The following DUSP8 variants were observed in gnomAD, a reference collection of about 807,000 sequenced individuals.
The protein encoded by DUSP8 is dual specificity phosphatase 8, also known as dual specificity protein phosphatase 8.
DUSP8 carries 15 observed loss-of-function variants against 38.7 expected under a neutral mutation model. That is an observed-to-expected ratio of 0.39 (90% CI 0.26 to 0.60). DUSP8 has a LOEUF of 0.60. Among genes scored for constraint, DUSP8 ranks in the 20% least tolerant of loss-of-function variants. The probability of loss-of-function intolerance (pLI) is 0.56; values close to 1 mark genes in which losing one functional copy is unlikely to be tolerated. For synonymous variants in DUSP8, 458 were observed against 433.9 expected (o/e 1.06, Z -0.69); for missense variants, 768 against 915.0 (o/e 0.84, Z 2.07).
chr11:1,558,934 G>A lies in DUSP8; in HGVS notation c.492C>T (p.Ile164=). The A allele has an allele frequency of 1.9e-6, 3 of 1,612,970 alleles. No homozygotes were observed. The highest frequency in any genetic ancestry group is 1.3e-5 in the African/African-American group (1 of 75,042). Residue 164 remains isoleucine (I), a synonymous_variant, in exon 4 of 7, where the codon ATC becomes ATT. Coordinates refer to ENST00000397374, the MANE Select transcript of DUSP8 (RefSeq NM_004420.3). The surrounding 1 kb of genome is among the most constrained non-coding windows in gnomAD (Gnocchi z 6.3). ...GCGAGCCCAGGTAGAGGTGAGGCAG[G>A]ATGCGGGTCAGGCCCACGCTGGGCA... ...LPVPSVGLTR[I]LPHLYLGSQK...
At chr11:1,571,614 C>CA (rs1554940125) in intron 1 of DUSP8, 2 of 148,084 alleles carry the variant, frequency 1.4e-5, no homozygotes, top group African/African-American at 5.0e-5. Context: ...GTCCCCCCCC[C>CA]ATTCCACACC....
In DUSP8 at chr11:1,556,799, C is replaced by G. The variant is rs1198710315; in HGVS notation, c.1597G>C (p.Gly533Arg). 8.5e-7 allele frequency: 1 copy of G among 1,174,466 alleles called. No individual in the cohort carries two copies. The highest frequency in any genetic ancestry group is 1.1e-6 in the Non-Finnish European group (1 of 951,336). 72.8% of individuals were successfully genotyped at this position (1,174,466 alleles called of 1,614,324 possible). A position where few individuals can be genotyped will look rare whatever the true frequency, so the allele number is the denominator to read the frequency against. The change falls in exon 7 of 7, where the codon GGG becomes CGG. Residue 533 changes from glycine to arginine, a missense_variant. Physicochemically the swap from Gly to Arg is moderately radical, Grantham distance 125 (BLOSUM62 -2). Around this residue, in one of 3 missense-constraint regions of DUSP8, gnomAD observed 474 missense variants for 430.8 expected, o/e 1.10. Transcript: ENST00000397374. This position sits in a 1 kb window ranked among gnomAD's most constrained non-coding sequence, Gnocchi z 5.2. Reference sequence around the variant, plus strand: ...GGCGCAAACAGCACCCCGCCCGCCCCCTGTGCGCCCTCGGGGCTGAAGCAC... The same window carrying G: ...GGCGCAAACAGCACCCCGCCCGCCCGCTGTGCGCCCTCGGGGCTGAAGCAC... ...PWCFSPEGAQ[G>R]AGGVLFAPFG... is the part of the protein sequence containing the mutation.
At chr11:1,571,211 G>C (rs1392294617) in intron 1 of DUSP8, 1 of 152,230 alleles carries the variant, frequency 6.6e-6, no homozygotes, top group Non-Finnish European at 1.5e-5. Flanking sequence ...TCCCAGGCTG[G>C]GCAGCTGGGC....
Position 1,565,793 on chromosome 11 carries a change from C to A in DUSP8, c.34G>T (p.Asp12Tyr). Residue 12 changes from aspartate (D) to tyrosine (Y), a missense_variant, in exon 2 of 7, where the codon GAT becomes TAT. By Grantham distance (160) the Asp-to-Tyr change is radical. Coordinates refer to ENST00000397374, the MANE Select transcript of DUSP8 (RefSeq NM_004420.3). ...AGCAGGCTGGCCAGCTTCTTGGCAT[C>A]CATCACCTTCCTCGGGAGCCGGTCC... ...AGDRLPRKVM[D>Y]AKKLASLLRG... is the part of the protein sequence containing the mutation. The A allele has an allele frequency of 6.2e-7, 1 of 1,609,520 alleles. No individual in the cohort carries two copies. Among genetic ancestry groups the A allele is most frequent in the Non-Finnish European group, 8.5e-7 (1 of 1,178,126 alleles).
intron 3 of DUSP8, among the ~76,000 whole-genome samples, chr11:1,561,185 AC>A (rs1454502631): frequency 6.6e-6 from 1 of 151,652 alleles, no homozygotes; most frequent in African/African-American, 2.4e-5. Flanking sequence ...CTGGGGAGGC[AC>A]CCCTACCCCC....
At chr11:1,562,613 G>A (rs1372334641) in intron 3 of DUSP8, among the ~76,000 whole-genome samples, 4 of 152,076 alleles carry the variant, frequency 2.6e-5, no homozygotes, top group Non-Finnish European at 5.9e-5. Context: ...ACACGTACAT[G>A]CACATATGCG....
chr11:1,562,705 A>G (rs538093193), intron 3 of DUSP8, among the ~76,000 whole-genome samples: 1 of 151,012 alleles, frequency 6.6e-6, no homozygotes, highest in Non-Finnish European at 1.5e-5. Flanking sequence ...ACACACACAT[A>G]CATGCACACA....
At chr11:1,559,213 G>A in intron 3 of DUSP8, 158 bp from the exon 4 acceptor site, 1 of 662,304 alleles carries the variant, frequency 1.5e-6, no homozygotes, top group South Asian at 2.5e-5. Flanking sequence ...CTCTGGCGGA[G>A]CACCTGCTCT....
rs371612944 is a variant in DUSP8, at chr11:1,559,073, T to C, written c.371-18A>G. The C allele has an allele frequency of 1.1e-5, 17 of 1,605,360 alleles. No homozygotes were observed. Among genetic ancestry groups the C allele is most frequent in the Admixed American group, 8.4e-5 (5 of 59,292 alleles). On this transcript the variant is annotated intron_variant, in intron 3 of 6. Transcript: ENST00000397374. ...GAAGCCCCCTGTAGGAGGAGGGCCG[T>C]CAAGTGGGTTGAGAGAACACCTAGG...
chr11:1,560,690 CCACT>C (rs1848705332), intron 3 of DUSP8, among the ~76,000 whole-genome samples: 1 of 152,206 alleles, frequency 6.6e-6, no homozygotes, highest in Admixed American at 6.5e-5. Flanking sequence ...TAGCTGGCTT[CCACT>C]CACTGTTCTG....
In DUSP8 at chr11:1,557,162, CG is replaced by C. The variant is rs1418426284; in HGVS notation, c.1233del (p.Asp415ThrfsTer60). On this transcript the variant is annotated frameshift_variant, in exon 7 of 7. Coordinates refer to ENST00000397374, the MANE Select transcript of DUSP8 (RefSeq NM_004420.3). LOFTEE classifies it high-confidence loss of function. This position sits in a 1 kb window ranked among gnomAD's most constrained non-coding sequence, Gnocchi z 9.9. ...AYAPSRRPDG[P>X]GPPDPGEAPK... ...GGGGCCTCGCCGGGGTCGGGGGGCC[CG>C]GGGCCGTCGGGCCGCCTGCTAGGGG... 6.9e-7 allele frequency: 1 copy of C among 1,442,430 alleles called. No individual in the cohort carries two copies. The highest frequency in any genetic ancestry group is 9.0e-7 in the Non-Finnish European group (1 of 1,105,526). The allele number at this position is 1,442,430 out of a possible 1,614,324, so 89.4% of individuals were successfully genotyped here. A position where few individuals can be genotyped will look rare whatever the true frequency, so the allele number is the denominator to read the frequency against.
chr11:1,569,203 C>T (rs1249008576), intron 1 of DUSP8, among the ~76,000 whole-genome samples: 2 of 152,136 alleles, frequency 1.3e-5, no homozygotes, highest in Non-Finnish European at 2.9e-5. Flanking sequence ...CCCCCTAGCA[C>T]AGCCCCATAC....
At position 1,558,821 on chromosome 11, in the gene DUSP8, G is replaced by A; in HGVS notation, c.537+68C>T. Reference sequence around the variant, plus strand: ...TTCCTCCCTCATCCCCCGCTCCGCTGCCAAGCTGCTTCTGGAGCTCCTGCC... The same window carrying A: ...TTCCTCCCTCATCCCCCGCTCCGCTACCAAGCTGCTTCTGGAGCTCCTGCC... On this transcript the variant is annotated intron_variant, in intron 4 of 6. Transcript: ENST00000397374. This position sits in a 1 kb window ranked among gnomAD's most constrained non-coding sequence, Gnocchi z 6.3. The A allele has an allele frequency of 2.0e-6, 3 of 1,524,790 alleles. No homozygotes were observed. Among genetic ancestry groups the A allele is most frequent in the South Asian group, 1.3e-5 (1 of 79,818 alleles). 94.5% of individuals were successfully genotyped at this position (1,524,790 alleles called of 1,614,324 possible). A position where few individuals can be genotyped will look rare whatever the true frequency, so the allele number is the denominator to read the frequency against.
At position 1,555,217 on chromosome 11, in the gene DUSP8, T is replaced by C. The variant is rs1395391348; in HGVS notation, c.*1301A>G. The C allele has an allele frequency of 3.0e-6, 3 of 987,390 alleles. No individual in the cohort carries two copies. The African/African-American group carries it at 5.2e-5, about 17-fold the overall frequency. The allele number at this position is 987,390 out of a possible 1,614,324, so 61.2% of individuals were successfully genotyped here. ...CCCACCTGGGCCCAAAAGCCACTTG[T>C]GTTTGGGGGCTGGCATGCCACCTAG... On this transcript the variant is annotated 3_prime_UTR_variant, in exon 7 of 7. Coordinates refer to ENST00000397374, the MANE Select transcript of DUSP8 (RefSeq NM_004420.3).
chr11:1,565,309 G>T (rs539120109), intron 2 of DUSP8, among the ~76,000 whole-genome samples: 1 of 152,342 alleles, frequency 6.6e-6, no homozygotes, highest in East Asian at 1.9e-4. Flanking sequence ...AGTCCTATCT[G>T]CGTGGGGAGG....
chr11:1,570,107 G>C (rs1029570739), intron 1 of DUSP8, among the ~76,000 whole-genome samples: 12 of 152,290 alleles, frequency 7.9e-5, no homozygotes, highest in Non-Finnish European at 1.3e-4. Flanking sequence ...GTGGGGCGGG[G>C]GGCTCCCTCC....
In DUSP8 at chr11:1,557,487, C is replaced by A; in HGVS notation, c.909G>T (p.Leu303=). ...TGCCCGGGTCGCCCTGCAGGGCGGC[C>A]AGCAGCTTCAGGCTGCGCTCGTACT... is the stretch of plus-strand genomic sequence containing the variant. The part of the protein sequence containing the change: ...LLEYERSLKL[L]AALQGDPGTP... Residue 303 remains leucine (L), a synonymous_variant, in exon 7 of 7, where the codon CTG becomes CTT. Transcript: ENST00000397374. The surrounding 1 kb of genome is among the most constrained non-coding windows in gnomAD (Gnocchi z 9.9). 1 of 1,574,898 alleles carries A rather than the reference C, an allele frequency of 6.3e-7. No homozygotes were observed. Among genetic ancestry groups the A allele is most frequent in the Non-Finnish European group, 8.5e-7 (1 of 1,170,548 alleles).
In DUSP8 at chr11:1,556,658, CCGGGG is replaced by C; in HGVS notation, c.1733_1737del (p.Ala578GlyfsTer69). On this transcript the variant is annotated frameshift_variant, in exon 7 of 7. Transcript: ENST00000397374. LOFTEE classifies it high-confidence loss of function. This position sits in a 1 kb window ranked among gnomAD's most constrained non-coding sequence, Gnocchi z 5.2. Reference sequence around the variant, plus strand: ...CAGCTGCGGCGCTTGAACTGCGTCTCCGGGGCCGGCTCCTCGGGCCAGCCGGTCCG... The same window carrying C: ...CAGCTGCGGCGCTTGAACTGCGTCTCCCGGCTCCTCGGGCCAGCCGGTCCG... 1 of 1,394,090 alleles carries C rather than the reference CCGGGG, an allele frequency of 7.2e-7. No individual in the cohort carries two copies. The allele number at this position is 1,394,090 out of a possible 1,614,324, so 86.4% of individuals were successfully genotyped here.
At position 1,557,114 on chromosome 11, in the gene DUSP8, G is replaced by C. The variant is rs1000548052; in HGVS notation, c.1282C>G (p.Pro428Ala). 5.0e-6 allele frequency: 7 copies of C among 1,386,654 alleles called. No individual in the cohort carries two copies. The highest frequency in any genetic ancestry group is 5.6e-6 in the Non-Finnish European group (6 of 1,079,648). 85.9% of individuals were successfully genotyped at this position (1,386,654 alleles called of 1,614,324 possible). The change falls in exon 7 of 7, where the codon CCG becomes GCG. Residue 428 changes from proline (P) to alanine (A), a missense_variant. Coordinates refer to ENST00000397374, the MANE Select transcript of DUSP8 (RefSeq NM_004420.3). This position sits in a 1 kb window ranked among gnomAD's most constrained non-coding sequence, Gnocchi z 9.9. ...GACAGGCCCAGCGCGGCCCCCGACG[G>C]GCTGTCCAGCTTGCAGAGCTTCGGG... ...EAPKLCKLDSPSGAALGLSSP... is the reference protein window; with the variant it reads ...EAPKLCKLDSASGAALGLSSP...
Sources: gnomAD v4.1 joint callset for allele counts (sites outside exome capture counted in the v4.1 genomes callset) on GRCh38, gnomAD v4.1.1 for gene constraint, gnomAD v4.1.1 regional missense constraint, Gnocchi (gnomAD v3.1) non-coding constraint, MANE v1.5 for transcripts, NCBI Gene and HGNC (gene_info 2026-07-23, HGNC 2026-07-21) for gene names.